The following TOX variants were observed in gnomAD, a reference collection of about 807,000 sequenced individuals.
The protein encoded by TOX is thymocyte selection associated high mobility group box.
Under a neutral mutation model 53.7 loss-of-function variants are expected in TOX, and 11 were observed. The ratio of observed to expected loss-of-function variants is 0.20; its 90% confidence interval spans 0.13 to 0.34. The LOEUF (loss-of-function observed/expected upper bound fraction) is 0.34, where lower values mean the gene tolerates loss of function less well. Among genes scored for constraint, TOX ranks in the 10% least tolerant of loss-of-function variants. The pLI is 1.00. For synonymous variants in TOX, 225 were observed against 245.3 expected, an observed-to-expected ratio of 0.92 and a Z score of 0.77; for missense variants, 570 against 664.6, an observed-to-expected ratio of 0.86 and a Z score of 1.56.
chr8:58,872,622 A>G (rs540982283), intron 3 of TOX, among the ~76,000 whole-genome samples: 2 of 152,270 alleles, frequency 1.3e-5, no homozygotes, highest in East Asian at 1.9e-4. Context: ...TTTCCCCCCA[A>G]TAGTACATTA....
intron 2 of TOX, 95 bp from the exon 3 acceptor site, chr8:58,939,639 C>G (rs919627038): frequency 4.9e-5 from 73 of 1,486,528 alleles, no homozygotes; most frequent in Non-Finnish European, 6.1e-5. Flanking sequence ...TTATTACAAG[C>G]AGCATATGGA....
chr8:58,832,426 A>T (rs1454273750), intron 5 of TOX, among the ~76,000 whole-genome samples: 1 of 152,098 alleles, frequency 6.6e-6, no homozygotes, highest in African/African-American at 2.4e-5. Flanking sequence ...AGATAAACAC[A>T]TGTGTGAATG....
intron 3 of TOX, among the ~76,000 whole-genome samples, chr8:58,864,253 C>G (rs1811059781): frequency 6.6e-6 from 1 of 152,124 alleles, no homozygotes; most frequent in African/African-American, 2.4e-5. Context: ...AGCTATCTGA[C>G]AGTTTGATTT....
At chr8:59,116,702 A>G (rs1256376260) in intron 1 of TOX, among the ~76,000 whole-genome samples, 2 of 152,238 alleles carry the variant, frequency 1.3e-5, no homozygotes, top group Non-Finnish European at 2.9e-5. Flanking sequence ...TATTAGAAAC[A>G]TGTCTTATGA....
rs1278441190 is a variant in TOX at position 58,929,453 on chromosome 8, C to T, written c.411+9849G>A. 2.0e-5 allele frequency among the ~76,000 whole-genome samples: 3 copies of T among 151,542 alleles called. No individual in the cohort carries two copies. In the East Asian group the frequency reaches 5.8e-4, roughly 29 times the overall value. On this transcript the variant is annotated intron_variant, in intron 3 of 8. Coordinates refer to ENST00000361421, the MANE Select transcript of TOX (RefSeq NM_014729.3). ...TATGTTTCTGTAGGTAATGCTTGTC[C>T]ACGTAAGAGATCTTGAAACTTTCAA...
intron 7 of TOX, among the ~76,000 whole-genome samples, chr8:58,810,293 T>C (rs999818684): frequency 6.6e-6 from 1 of 151,076 alleles, no homozygotes; most frequent in African/African-American, 2.4e-5. Flanking sequence ...CATGAGCCAT[T>C]GTAGCCAGCT....
At chr8:58,910,875 A>C (rs927032263) in intron 3 of TOX, among the ~76,000 whole-genome samples, 1 of 152,220 alleles carries the variant, frequency 6.6e-6, no homozygotes. Flanking sequence ...TTCAAAGAAT[A>C]GTTGCAAAGG....
chr8:58,875,768 C>G (rs908898111), intron 3 of TOX, among the ~76,000 whole-genome samples: 1 of 152,176 alleles, frequency 6.6e-6, no homozygotes, highest in Non-Finnish European at 1.5e-5. Context: ...GGATTCAATT[C>G]TCTGTTAGCC....
At chr8:59,103,291 T>A (rs906894256) in intron 1 of TOX, among the ~76,000 whole-genome samples, 1 of 152,168 alleles carries the variant, frequency 6.6e-6, no homozygotes. Flanking sequence ...TTCTCTGTGG[T>A]AAAGATGACC....
intron 1 of TOX, among the ~76,000 whole-genome samples, chr8:58,987,683 C>A (rs963071332): frequency 6.6e-6 from 1 of 152,162 alleles, no homozygotes; most frequent in African/African-American, 2.4e-5. Context: ...GCTAAGGCCT[C>A]CAGGCTGGGG....
intron 3 of TOX, among the ~76,000 whole-genome samples, chr8:58,852,867 T>C (rs1020211664): frequency 5.3e-5 from 8 of 152,184 alleles, no homozygotes; most frequent in African/African-American, 1.7e-4. Context: ...TCTGTTTCAT[T>C]AGAAAAGAAA....
chr8:58,956,689 C>T (rs1205096795), intron 2 of TOX, among the ~76,000 whole-genome samples: 1 of 152,188 alleles, frequency 6.6e-6, no homozygotes, highest in Non-Finnish European at 1.5e-5. Context: ...GCAACCTCCA[C>T]CTCGTGGGTT....
chr8:58,910,989 C>T (rs1277028513), intron 3 of TOX, among the ~76,000 whole-genome samples: 4 of 152,140 alleles, frequency 2.6e-5, no homozygotes, highest in Admixed American at 6.5e-5. Flanking sequence ...TTAAATTAGG[C>T]ATTTAATTTA....
rs117720859 is a variant in TOX at position 58,945,311 on chromosome 8, G to T, written c.169-5767C>A. ...TCTCTGGGCAATTCTTGGCAAGGAG[G>T]TCAAATTGCTAATTAGAGGCTCACT... On this transcript the variant is annotated intron_variant, in intron 2 of 8. Coordinates refer to ENST00000361421, the MANE Select transcript of TOX (RefSeq NM_014729.3). Among the ~76,000 whole-genome samples, 1,418 of 152,340 alleles carry T rather than the reference G, an allele frequency of 9.3e-3. 7 individuals carry two copies. Among genetic ancestry groups the T allele is most frequent in the Non-Finnish European group, 0.017 (1,150 of 68,020 alleles).
chr8:58,890,256 TAA>T (rs34230024), intron 3 of TOX, among the ~76,000 whole-genome samples: 44,606 of 151,898 alleles, frequency 0.29, 7,873 homozygotes, highest in Non-Finnish European at 0.39. Flanking sequence ...TCACAGGACT[TAA>T]GACATGCATC....
intron 3 of TOX, among the ~76,000 whole-genome samples, chr8:58,928,804 T>A (rs1190685991): frequency 6.6e-6 from 1 of 152,212 alleles, no homozygotes; most frequent in Admixed American, 6.5e-5. Context: ...GCAAGTTTCA[T>A]ACGGTATGAA....
intron 2 of TOX, among the ~76,000 whole-genome samples, chr8:58,945,210 C>T (rs189644264): frequency 6.6e-6 from 1 of 152,298 alleles, no homozygotes; most frequent in East Asian, 1.9e-4. Flanking sequence ...AATTTCTGAA[C>T]CAGAATGTCA....
chr8:58,984,492 C>A (rs1303530151), intron 1 of TOX, among the ~76,000 whole-genome samples: 2 of 152,070 alleles, frequency 1.3e-5, no homozygotes, highest in Non-Finnish European at 2.9e-5. Context: ...GGATGGCTAT[C>A]ATAAAAATTG....
At chr8:58,999,563 T>C (rs1813650519) in intron 1 of TOX, among the ~76,000 whole-genome samples, 2 of 152,120 alleles carry the variant, frequency 1.3e-5, no homozygotes, top group Admixed American at 1.3e-4. Flanking sequence ...CATATTTTGA[T>C]ATGAAATATG....
Sources: allele counts gnomAD v4.1 joint callset (sites outside exome capture counted in the v4.1 genomes callset), GRCh38; gene constraint gnomAD v4.1.1; transcripts MANE v1.5; gene names NCBI Gene and HGNC (gene_info 2026-07-23, HGNC 2026-07-21).